Variants in CORO2B observed in about 807,000 individuals in gnomAD.
CORO2B encodes coronin-2B.
In CORO2B, 26 loss-of-function variants were observed where a neutral mutation model predicts 58.8. That is an observed-to-expected ratio of 0.44 (90% CI 0.32 to 0.61). The LOEUF is 0.61. CORO2B is among the 20% of genes least tolerant of loss of function. The probability of loss-of-function intolerance (pLI) is 0.04; values close to 1 mark genes in which losing one functional copy is unlikely to be tolerated. For synonymous variants in CORO2B, 242 were observed against 253.8 expected, an observed-to-expected ratio of 0.95 and a Z score of 0.44; for missense variants, 460 against 645.1, an observed-to-expected ratio of 0.71 and a Z score of 3.11.
At chr15:68,654,511 G>T (rs2046923) in intron 2 of CORO2B, among the ~76,000 whole-genome samples, 1 of 152,172 alleles carries the variant, frequency 6.6e-6, no homozygotes, top group East Asian at 1.9e-4. Context: ...GAAGCATCTG[G>T]CAGTCTGCTT....
intron 1 of CORO2B, among the ~76,000 whole-genome samples, chr15:68,595,426 C>T (rs1048219170): frequency 2.6e-5 from 4 of 152,236 alleles, no homozygotes; most frequent in Middle Eastern, 3.2e-3. Context: ...TACGCCTTAT[C>T]GTCAGATATA....
At chr15:68,526,986 A>G in the CORO2B span, among the ~76,000 whole-genome samples, 1 of 152,202 alleles carries the variant, frequency 6.6e-6, no homozygotes, top group Non-Finnish European at 1.5e-5. Context: ...TTCCTTACAA[A>G]AAGAGGAAGA....
chr15:68,660,654 A>G (rs1901984418), intron 2 of CORO2B, among the ~76,000 whole-genome samples: 1 of 152,208 alleles, frequency 6.6e-6, no homozygotes, highest in Admixed American at 6.5e-5. Flanking sequence ...TACAGGTATG[A>G]GCCACTGCAC....
At chr15:68,627,725 G>GGTGAC (rs1291702713) in intron 1 of CORO2B, among the ~76,000 whole-genome samples, 1 of 152,106 alleles carries the variant, frequency 6.6e-6, no homozygotes, top group Non-Finnish European at 1.5e-5. Flanking sequence ...AGGTGACTCA[G>GGTGAC]TTATTTGCTG....
chr15:68,548,176 T>TAC, the CORO2B span, among the ~76,000 whole-genome samples: 1 of 66,408 alleles, frequency 1.5e-5, no homozygotes, highest in Non-Finnish European at 3.1e-5. Flanking sequence ...ATCTTAAAAA[T>TAC]ATATATATAT....
chr15:68,665,533 T>C (rs1451881151), intron 2 of CORO2B, among the ~76,000 whole-genome samples: 1 of 150,216 alleles, frequency 6.7e-6, no homozygotes, highest in Non-Finnish European at 1.5e-5. Context: ...TTATTGGGAT[T>C]ATGTTAAATT....
At chr15:68,708,973 A>T (rs1429442092) in intron 3 of CORO2B, among the ~76,000 whole-genome samples, 1 of 152,190 alleles carries the variant, frequency 6.6e-6, no homozygotes, top group Non-Finnish European at 1.5e-5. Flanking sequence ...GAGCCACCTC[A>T]CCTGGACTTG....
chr15:68,640,651 A>T (rs1555413196), intron 1 of CORO2B, among the ~76,000 whole-genome samples: 1 of 152,202 alleles, frequency 6.6e-6, no homozygotes, highest in Non-Finnish European at 1.5e-5. Flanking sequence ...ATTGGGGGGA[A>T]ATTTAAACAC....
In CORO2B at chr15:68,725,929, C is replaced by T. The variant is rs1294841669; in HGVS notation, c.1398C>T (p.Leu466=). ...LAQKDIRIRQ[L]QLELKNLRNS... ...AGAAGGACATCCGCATTCGGCAGCTCCAGCTGGAACTGAAAAACTTGCGCA... is the reference window on the plus strand; with the variant it reads ...AGAAGGACATCCGCATTCGGCAGCTTCAGCTGGAACTGAAAAACTTGCGCA... The change falls in exon 12 of 12, where the codon CTC becomes CTT. Residue 466 remains leucine, a synonymous_variant. Coordinates refer to ENST00000261861, the MANE Select transcript of CORO2B (RefSeq NM_006091.5). The T allele has an allele frequency of 6.2e-7, 1 of 1,613,954 alleles. No individual in the cohort carries two copies. Among genetic ancestry groups the T allele is most frequent in the African/African-American group, 1.3e-5 (1 of 74,920 alleles).
At chr15:68,719,372 C>A in intron 10 of CORO2B, 41 bp from the exon 11 acceptor site, 1 of 1,610,572 alleles carries the variant, frequency 6.2e-7, no homozygotes, top group South Asian at 1.1e-5. Flanking sequence ...CCTGACAGTC[C>A]ATGGGATCGT....
chr15:68,661,569 T>A (rs963078333), intron 2 of CORO2B, among the ~76,000 whole-genome samples: 1 of 152,188 alleles, frequency 6.6e-6, no homozygotes, highest in African/African-American at 2.4e-5. Context: ...GTAGTCCTGA[T>A]CATAAACCTG....
In CORO2B at chr15:68,645,095, GC is replaced by G; in HGVS notation, c.16-62del. On this transcript the variant is annotated intron_variant, in intron 1 of 11. Transcript: ENST00000261861. This position sits in a 1 kb window ranked among gnomAD's most constrained non-coding sequence, Gnocchi z 4.5. ...GAGCCGCAGCTTCCCTCCCCCAAGA[GC>G]CCAGCCGAGGCCCTTCATGGCACAG... The G allele has an allele frequency of 1.3e-6, 2 of 1,540,274 alleles. No homozygotes were observed. Among genetic ancestry groups the G allele is most frequent in the South Asian group, 1.2e-5 (1 of 84,456 alleles).
rs1215357621 is a variant in CORO2B at position 68,683,340 on chromosome 15, C to G, written c.217-11800C>G. Among the ~76,000 whole-genome samples, 3 of 152,290 alleles carry G rather than the reference C, an allele frequency of 2.0e-5. No individual in the cohort carries two copies. The East Asian group carries it at 5.8e-4, about 30-fold the overall frequency. On this transcript the variant is annotated intron_variant, in intron 2 of 11. Transcript: ENST00000261861. ...GCTGACTCTCTTGTTGGTCCAGACC[C>G]CGCGTCCCCAGCACTCCCACCTGCT...
chr15:68,628,095 T>G (rs1285824845), intron 1 of CORO2B, among the ~76,000 whole-genome samples: 4 of 152,136 alleles, frequency 2.6e-5, no homozygotes, highest in African/African-American at 9.7e-5. Context: ...ATAATTTGGG[T>G]GGGGCTTTGC....
At chr15:68,522,282 T>C in the CORO2B span, among the ~76,000 whole-genome samples, 2 of 152,212 alleles carry the variant, frequency 1.3e-5, no homozygotes, top group Non-Finnish European at 2.9e-5. Flanking sequence ...TCTCTTTAAA[T>C]ACCACTTCTT....
chr15:68,617,754 A>G (rs759075618), intron 1 of CORO2B, among the ~76,000 whole-genome samples: 2 of 152,166 alleles, frequency 1.3e-5, no homozygotes, highest in Non-Finnish European at 2.9e-5. Context: ...ACTAAGCCAT[A>G]CTATGCTCTT....
rs1893111335 is a variant in CORO2B, at chr15:68,719,460, A to G, written c.1219A>G (p.Met407Val). 2.5e-6 allele frequency: 4 copies of G among 1,614,058 alleles called. No individual in the cohort carries two copies. Among genetic ancestry groups the G allele is most frequent in the South Asian group, 1.1e-5 (1 of 91,086 alleles). ...AGAAGGCTATAAGAAGTCCTCAAAA[A>G]TGGTATTTAAGGCTCCCATCAAAGA... ...LKEGYKKSSK[M>V]VFKAPIKEKK... The change falls in exon 11 of 12, where the codon ATG (methionine) becomes GTG (valine). Residue 407 changes from methionine (M) to valine (V), a missense_variant. Coordinates refer to ENST00000261861, the MANE Select transcript of CORO2B (RefSeq NM_006091.5).
In CORO2B at chr15:68,645,348, C is replaced by T. The variant is rs978242284; in HGVS notation, c.204C>T (p.Ile68=). Residue 68 remains isoleucine, a synonymous_variant, in exon 2 of 12, where the codon ATC becomes ATT. Coordinates refer to ENST00000261861, the MANE Select transcript of CORO2B (RefSeq NM_006091.5). The surrounding 1 kb of genome is among the most constrained non-coding windows in gnomAD (Gnocchi z 4.5). The part of the protein sequence containing the change: ...ESAGGGSFLV[I]PLEQTGRIEP... Reference sequence around the variant, plus strand: ...CAGGGGGCGGCTCCTTCCTCGTCATCCCCCTGGAGCAGGTAGGTGGCCCCT... The same window carrying T: ...CAGGGGGCGGCTCCTTCCTCGTCATTCCCCTGGAGCAGGTAGGTGGCCCCT... The T allele has an allele frequency of 1.9e-6, 3 of 1,611,234 alleles. No individual in the cohort carries two copies. Among genetic ancestry groups the T allele is most frequent in the African/African-American group, 1.3e-5 (1 of 75,022 alleles).
chr15:68,628,169 C>A (rs1900733266), intron 1 of CORO2B, among the ~76,000 whole-genome samples: 1 of 152,246 alleles, frequency 6.6e-6, no homozygotes, highest in South Asian at 2.1e-4. Context: ...ATGACCAGAT[C>A]TCCAGTGCCT....
Sources: allele counts gnomAD v4.1 joint callset (sites outside exome capture counted in the v4.1 genomes callset), GRCh38; gene constraint gnomAD v4.1.1; non-coding constraint Gnocchi (gnomAD v3.1); transcripts MANE v1.5; gene names NCBI Gene and HGNC (gene_info 2026-07-23, HGNC 2026-07-21).